The following BANK1 variants were observed in gnomAD, a reference collection of about 807,000 sequenced individuals.
BANK1 encodes B cell scaffold protein with ankyrin repeats 1.
A neutral mutation model predicts 94.5 loss-of-function variants in BANK1; 95 were observed. The ratio of observed to expected loss-of-function variants is 1.00; its 90% CI spans 0.85 to 1.19. The LOEUF (loss-of-function observed/expected upper bound fraction) is 1.19. Among genes scored for constraint, BANK1 ranks in the 50% most tolerant of loss-of-function variants. The pLI is 0.00. For missense variants in BANK1, 987 were observed against 932.2 expected, an observed-to-expected ratio of 1.06 and a Z score of -0.77; for synonymous variants, 334 against 308.4, an observed-to-expected ratio of 1.08 and a Z score of -0.87.
chr4:101,983,666 C>T (rs1261129837), intron 7 of BANK1, among the ~76,000 whole-genome samples: 1 of 151,928 alleles, frequency 6.6e-6, no homozygotes. Context: ...TTAAAAGAAA[C>T]AAATGGACCT....
intron 7 of BANK1, among the ~76,000 whole-genome samples, chr4:101,923,746 G>A (rs1723071387): frequency 6.6e-6 from 1 of 151,852 alleles, no homozygotes; most frequent in Admixed American, 6.6e-5. Flanking sequence ...GTTGTGTGAA[G>A]AAGGCAGAGT....
Position 101,862,647 on chromosome 4 carries a change from G to T in BANK1, c.746G>T (p.Trp249Leu). Residue 249 changes from tryptophan (W) to leucine (L), a missense_variant, in exon 4 of 17, where the codon TGG (tryptophan) becomes TTG (leucine). Trp to Leu is a moderately conservative substitution (Grantham distance 61, BLOSUM62 -2). Coordinates refer to ENST00000322953, the MANE Select transcript of BANK1 (RefSeq NM_017935.5). ...TRPALWNKKVWCMKALEFPAG... is the reference protein window; with the variant it reads ...TRPALWNKKVLCMKALEFPAG... Reference sequence around the variant, plus strand: ...CCAGCCCTTTGGAATAAGAAAGTCTGGTGCATGAAAGCTTTAGGTAAGAAT... The same window carrying T: ...CCAGCCCTTTGGAATAAGAAAGTCTTGTGCATGAAAGCTTTAGGTAAGAAT... The T allele has an allele frequency of 6.2e-7, 1 of 1,603,304 alleles. No homozygotes were observed. The highest frequency in any genetic ancestry group is 8.5e-7 in the Non-Finnish European group (1 of 1,175,626).
At chr4:101,799,270 A>G (rs376591152) in intron 1 of BANK1, among the ~76,000 whole-genome samples, 3 of 152,174 alleles carry the variant, frequency 2.0e-5, no homozygotes, top group African/African-American at 7.2e-5. Flanking sequence ...TGAGATGGTT[A>G]TAGATGTGTG....
At chr4:101,914,163 C>T (rs977903425) in intron 6 of BANK1, among the ~76,000 whole-genome samples, 2 of 152,134 alleles carry the variant, frequency 1.3e-5, no homozygotes, top group Non-Finnish European at 2.9e-5. Flanking sequence ...TCTAGAACTG[C>T]TCTTTCTTTC....
intron 7 of BANK1, among the ~76,000 whole-genome samples, chr4:102,004,337 G>T (rs1386925635): frequency 2.0e-5 from 3 of 152,142 alleles, no homozygotes; most frequent in African/African-American, 7.2e-5. Flanking sequence ...GAGGCATCAG[G>T]TAAATGAGGG....
chr4:101,944,039 T>TGTGA (rs1418111437), intron 7 of BANK1, among the ~76,000 whole-genome samples: 5 of 126,696 alleles, frequency 3.9e-5, no homozygotes, highest in Non-Finnish European at 9.0e-5. Context: ...TGTGTGTGTG[T>TGTGA]GAGAGAGAGA....
intron 3 of BANK1, among the ~76,000 whole-genome samples, chr4:101,859,223 G>C (rs968559071): frequency 6.6e-6 from 1 of 152,214 alleles, no homozygotes; most frequent in Non-Finnish European, 1.5e-5. Flanking sequence ...AGTCTGTATT[G>C]TGAAGTGATG....
chr4:101,923,134 T>G (rs748321709), intron 7 of BANK1, among the ~76,000 whole-genome samples: 1 of 151,818 alleles, frequency 6.6e-6, no homozygotes, highest in Non-Finnish European at 1.5e-5. Context: ...TGTAAAATTA[T>G]TAAATATATA....
At chr4:102,010,181 C>T (rs987621355) in intron 7 of BANK1, among the ~76,000 whole-genome samples, 43 of 151,784 alleles carry the variant, frequency 2.8e-4, no homozygotes, top group Admixed American at 5.2e-4. Context: ...AGGAGAATGG[C>T]GTGAACCCGG....
At chr4:101,907,729 G>A (rs374444889) in intron 6 of BANK1, among the ~76,000 whole-genome samples, 21 of 152,118 alleles carry the variant, frequency 1.4e-4, no homozygotes, top group Non-Finnish European at 2.6e-4. Flanking sequence ...AAATCAATGT[G>A]CAAAAATCAC....
chr4:101,945,190 T>C (rs79225975), intron 7 of BANK1, among the ~76,000 whole-genome samples: 4,007 of 152,086 alleles, frequency 0.026, 70 homozygotes, highest in Non-Finnish European at 0.037. Flanking sequence ...AGTATAATAC[T>C]ATGATAACCT....
intron 12 of BANK1, among the ~76,000 whole-genome samples, 159 bp downstream of exon 12, chr4:102,060,548 C>A (rs1728385310): frequency 6.6e-6 from 1 of 152,106 alleles, no homozygotes; most frequent in South Asian, 2.1e-4. Flanking sequence ...TTGAAAATAT[C>A]CAGATATTAT....
intron 7 of BANK1, among the ~76,000 whole-genome samples, chr4:102,004,958 A>C (rs1347502502): frequency 1.3e-5 from 2 of 152,116 alleles, no homozygotes; most frequent in Non-Finnish European, 2.9e-5. Context: ...CTAATATGTG[A>C]TCTCCTACAT....
At chr4:102,017,435 G>T (rs907204731) in intron 7 of BANK1, among the ~76,000 whole-genome samples, 1 of 152,150 alleles carries the variant, frequency 6.6e-6, no homozygotes, top group Non-Finnish European at 1.5e-5. Flanking sequence ...AAAGATTAAG[G>T]CCAAGAGCTT....
chr4:101,830,272 G>A lies in BANK1; in HGVS notation c.469+66G>A, dbSNP rs1726566330. On this transcript the variant is annotated intron_variant, in intron 2 of 16. Coordinates refer to ENST00000322953, the MANE Select transcript of BANK1 (RefSeq NM_017935.5). The stretch of plus-strand genomic sequence containing the variant: ...TTTTTTTTTTTGTAATTAAAGAATT[G>A]CAAGTTGTTTTAGAACCAATAACTG... 5.2e-6 allele frequency: 7 copies of A among 1,343,036 alleles called. No individual in the cohort carries two copies. The South Asian group carries it at 1.0e-4, about 19-fold the overall frequency. The allele number at this position is 1,343,036 out of a possible 1,614,324, so 83.2% of individuals were successfully genotyped here. A position where few individuals can be genotyped will look rare whatever the true frequency, so the allele number is the denominator to read the frequency against.
intron 1 of BANK1, among the ~76,000 whole-genome samples, chr4:101,817,876 T>G (rs1253506236): frequency 6.6e-6 from 1 of 151,864 alleles, no homozygotes; most frequent in East Asian, 1.9e-4. Flanking sequence ...CTGTCATTAG[T>G]GTATTTTATA....
At chr4:101,864,519 G>A (rs1727996701) in intron 4 of BANK1, among the ~76,000 whole-genome samples, 1 of 152,100 alleles carries the variant, frequency 6.6e-6, no homozygotes, top group Admixed American at 6.6e-5. Flanking sequence ...CTACAAAATC[G>A]ACCACGTTTC....
At chr4:101,905,361 T>G (rs190897593) in intron 6 of BANK1, among the ~76,000 whole-genome samples, 2 of 152,278 alleles carry the variant, frequency 1.3e-5, no homozygotes, top group East Asian at 3.9e-4. Context: ...GGACAGACAT[T>G]GCACGGGAGC....
At chr4:101,935,428 G>A (rs545608372) in intron 7 of BANK1, among the ~76,000 whole-genome samples, 1 of 151,526 alleles carries the variant, frequency 6.6e-6, no homozygotes, top group Non-Finnish European at 1.5e-5. Context: ...CATTAGTTAA[G>A]TGGAGAGAAA....
Sources: allele counts gnomAD v4.1 joint callset (sites outside exome capture counted in the v4.1 genomes callset), GRCh38; gene constraint gnomAD v4.1.1; transcripts MANE v1.5; gene names NCBI Gene and HGNC (gene_info 2026-07-23, HGNC 2026-07-21).